The following PRKCE variants were observed in gnomAD, a reference collection of about 807,000 sequenced individuals.
The protein encoded by PRKCE is protein kinase C epsilon.
A neutral mutation model predicts 85.4 loss-of-function variants in PRKCE; 16 were observed. The observed-to-expected ratio is 0.19, with a 90% CI of 0.13 to 0.28. The LOEUF is 0.28. PRKCE is among the 10% of genes least tolerant of loss of function. The probability of loss-of-function intolerance (pLI) is 1.00; values close to 1 mark genes in which losing one functional copy is unlikely to be tolerated. For synonymous variants in PRKCE, 388 were observed against 371.5 expected (o/e 1.04, Z -0.51); for missense variants, 573 against 975.2 (o/e 0.59, Z 5.49).
intron 2 of PRKCE, among the ~76,000 whole-genome samples, chr2:45,939,762 C>G (rs1431555319): frequency 6.6e-6 from 1 of 152,130 alleles, no homozygotes; most frequent in Non-Finnish European, 1.5e-5. Flanking sequence ...ATCATGTTGA[C>G]CAGGATGGTC....
intron 10 of PRKCE, among the ~76,000 whole-genome samples, chr2:46,026,565 C>A (rs1262521737): frequency 4.6e-5 from 7 of 152,232 alleles, no homozygotes; most frequent in African/African-American, 1.7e-4. Flanking sequence ...GAGGAACTGG[C>A]CACAGCTTTC....
rs541382031 is a variant in PRKCE, at chr2:46,154,891, G to A, written c.1920+3662G>A. 3.9e-4 allele frequency among the ~76,000 whole-genome samples: 59 copies of A among 152,136 alleles called. 1 individual carries two copies. The South Asian group carries it at 9.1e-3, about 24-fold the overall frequency. The stretch of plus-strand genomic sequence containing the variant: ...ATTTCCTTCCACAAGACTGAGCTTC[G>A]TGAGGGCAGGAACGTTTTCCAGCTT... On this transcript the variant is annotated intron_variant, in intron 13 of 14. Coordinates refer to ENST00000306156, the MANE Select transcript of PRKCE (RefSeq NM_005400.3).
chr2:45,899,883 G>A (rs1193534473), intron 2 of PRKCE, among the ~76,000 whole-genome samples: 1 of 152,152 alleles, frequency 6.6e-6, no homozygotes, highest in Non-Finnish European at 1.5e-5. Flanking sequence ...TCATTTCTTG[G>A]TTATATTTCT....
At chr2:45,813,885 A>G (rs1573459013) in intron 1 of PRKCE, among the ~76,000 whole-genome samples, 1 of 152,234 alleles carries the variant, frequency 6.6e-6, no homozygotes, top group Admixed American at 6.5e-5. Flanking sequence ...GTTACGGTAT[A>G]AATACAGCTG....
At chr2:45,997,881 A>T (rs994068023) in intron 6 of PRKCE, among the ~76,000 whole-genome samples, 1 of 152,224 alleles carries the variant, frequency 6.6e-6, no homozygotes, top group Non-Finnish European at 1.5e-5. Context: ...AAAATATTTT[A>T]AAACTTATCT....
chr2:45,983,066 A>T (rs1703018922), intron 5 of PRKCE, among the ~76,000 whole-genome samples: 1 of 152,354 alleles, frequency 6.6e-6, no homozygotes, highest in South Asian at 2.1e-4. Flanking sequence ...TAAGCTAGGC[A>T]TCTAAGAATG....
intron 10 of PRKCE, among the ~76,000 whole-genome samples, chr2:46,020,634 T>G (rs1272098558): frequency 6.6e-6 from 1 of 152,190 alleles, no homozygotes; most frequent in Non-Finnish European, 1.5e-5. Context: ...TGTAAAAGTG[T>G]GTGTTTAAAC....
rs182148465 is a variant in PRKCE, at chr2:45,786,751, T to C, written c.349-56249T>C. On this transcript the variant is annotated intron_variant, in intron 1 of 14. Coordinates refer to ENST00000306156, the MANE Select transcript of PRKCE (RefSeq NM_005400.3). This position sits in a 1 kb window ranked among gnomAD's most constrained non-coding sequence, Gnocchi z 5.3. ...CAGGCTCTGAGTGCTGTGTACAGCCTCTTGGCCACCTAATCCTCCAACAGT... is the reference window on the plus strand; with the variant it reads ...CAGGCTCTGAGTGCTGTGTACAGCCCCTTGGCCACCTAATCCTCCAACAGT... 1.3e-4 allele frequency among the ~76,000 whole-genome samples: 20 copies of C among 152,326 alleles called. No homozygotes were observed. In the East Asian group the frequency reaches 3.9e-3, roughly 29 times the overall value.
At chr2:46,172,267 A>G (rs1342690973) in intron 14 of PRKCE, among the ~76,000 whole-genome samples, 2 of 152,184 alleles carry the variant, frequency 1.3e-5, no homozygotes, top group African/African-American at 4.8e-5. Context: ...TGCGGGAGCC[A>G]AGACTCCTGG....
chr2:45,991,432 T>C (rs1049980035), intron 6 of PRKCE, among the ~76,000 whole-genome samples: 5 of 152,208 alleles, frequency 3.3e-5, no homozygotes, highest in Admixed American at 1.3e-4. Context: ...TGACATCCAA[T>C]AAATATTTGT....
intron 1 of PRKCE, among the ~76,000 whole-genome samples, chr2:45,663,646 G>A (rs1052575706): frequency 1.3e-5 from 2 of 152,216 alleles, no homozygotes; most frequent in African/African-American, 4.8e-5. Context: ...AGCCAGGCGT[G>A]GTGGCAGGCA....
intron 2 of PRKCE, among the ~76,000 whole-genome samples, chr2:45,926,594 C>CA (rs1698637875): frequency 1.3e-5 from 2 of 152,208 alleles, no homozygotes; most frequent in African/African-American, 4.8e-5. Flanking sequence ...GTATTCTCTC[C>CA]AGTTGAAAGT....
At chr2:46,098,708 G>C (rs1670933983) in intron 11 of PRKCE, among the ~76,000 whole-genome samples, 1 of 152,206 alleles carries the variant, frequency 6.6e-6, no homozygotes. Flanking sequence ...ATATTCAACA[G>C]CCAGTACTGA....
intron 1 of PRKCE, among the ~76,000 whole-genome samples, chr2:45,688,642 G>C (rs527568762): frequency 1.1e-4 from 17 of 152,252 alleles, no homozygotes; most frequent in African/African-American, 4.1e-4. Context: ...TGTTTTTGTG[G>C]GTTTCTTGAA....
chr2:45,922,579 C>A lies in PRKCE; in HGVS notation c.413-53850C>A, dbSNP rs980741335. ...TCTCTTCCTACTATCTTCATTAAAC[C>A]CTTCCCCCCAGGCTGTCTCCACCCC... On this transcript the variant is annotated intron_variant, in intron 2 of 14. Coordinates refer to ENST00000306156, the MANE Select transcript of PRKCE (RefSeq NM_005400.3). 4.6e-5 allele frequency among the ~76,000 whole-genome samples: 7 copies of A among 152,262 alleles called. No homozygotes were observed. The South Asian group carries it at 1.5e-3, about 32-fold the overall frequency.
chr2:45,832,509 C>T (rs571304826), intron 1 of PRKCE, among the ~76,000 whole-genome samples: 47 of 152,140 alleles, frequency 3.1e-4, no homozygotes, highest in African/African-American at 9.4e-4. Flanking sequence ...GATGGGGTTT[C>T]GCCATATTGG....
In PRKCE at chr2:45,745,894, A is replaced by C. The variant is rs532004298; in HGVS notation, c.348+93446A>C. On this transcript the variant is annotated intron_variant, in intron 1 of 14. Transcript: ENST00000306156. ...CTTTCTAGCCCTGGGTCACTGCACT[A>C]ATTTAAATGGATGGCCTAATAGGTC... 3.9e-5 allele frequency among the ~76,000 whole-genome samples: 6 copies of C among 152,338 alleles called. No individual in the cohort carries two copies. In the South Asian group the frequency reaches 1.2e-3, roughly 32 times the overall value.
intron 11 of PRKCE, among the ~76,000 whole-genome samples, chr2:46,114,934 A>G (rs906747347): frequency 6.6e-6 from 1 of 152,178 alleles, no homozygotes; most frequent in Non-Finnish European, 1.5e-5. Context: ...ATGTTTAGGG[A>G]TCTTTCTTAT....
chr2:46,021,484 C>G (rs540592394), intron 10 of PRKCE, among the ~76,000 whole-genome samples: 1 of 152,170 alleles, frequency 6.6e-6, no homozygotes, highest in Non-Finnish European at 1.5e-5. Context: ...CGTGGCCATT[C>G]GCTTTCCCCT....
Sources: allele counts gnomAD v4.1 joint callset (sites outside exome capture counted in the v4.1 genomes callset), GRCh38; gene constraint gnomAD v4.1.1; non-coding constraint Gnocchi (gnomAD v3.1); transcripts MANE v1.5; gene names NCBI Gene and HGNC (gene_info 2026-07-23, HGNC 2026-07-21).